FBXL7: variants seen among roughly 807,000 people sequenced by gnomAD.
FBXL7 encodes F-box/LRR-repeat protein 7.
A neutral mutation model predicts 38.3 loss-of-function variants in FBXL7; 12 were observed. That is an observed-to-expected ratio of 0.31 (90% CI 0.20 to 0.51). The LOEUF (loss-of-function observed/expected upper bound fraction) is 0.51, where lower values mean the gene tolerates loss of function less well. FBXL7 is among the 20% of genes least tolerant of loss of function. The probability of loss-of-function intolerance (pLI) is 0.98; values close to 1 mark genes in which losing one functional copy is unlikely to be tolerated. For synonymous variants in FBXL7, 297 were observed against 300.9 expected (o/e 0.99, Z 0.13); for missense variants, 567 against 676.4 (o/e 0.84, Z 1.79).
chr5:15,812,465 C>A (rs1232726559), intron 2 of FBXL7, among the ~76,000 whole-genome samples: 2 of 152,112 alleles, frequency 1.3e-5, no homozygotes, highest in African/African-American at 4.8e-5. Context: ...TGAAACGAAC[C>A]TGCGCATTCT....
intron 2 of FBXL7, among the ~76,000 whole-genome samples, chr5:15,803,185 A>G (rs1056529264): frequency 6.6e-6 from 1 of 152,154 alleles, no homozygotes; most frequent in Non-Finnish European, 1.5e-5. Context: ...TATTTGACCA[A>G]CATTTTGTTC....
intron 2 of FBXL7, among the ~76,000 whole-genome samples, chr5:15,691,692 G>A (rs966285866): frequency 1.3e-5 from 2 of 152,292 alleles, no homozygotes; most frequent in South Asian, 2.1e-4. Context: ...TTTGAGTCTA[G>A]CTGTTATGAT....
intron 2 of FBXL7, among the ~76,000 whole-genome samples, chr5:15,774,943 T>G (rs1342421333): frequency 1.3e-5 from 2 of 152,176 alleles, no homozygotes; most frequent in Non-Finnish European, 2.9e-5. Flanking sequence ...GAAAAGTAGA[T>G]AAGTCTGTGA....
intron 2 of FBXL7, among the ~76,000 whole-genome samples, chr5:15,889,999 C>G (rs1035687029): frequency 3.3e-5 from 5 of 152,138 alleles, no homozygotes; most frequent in Non-Finnish European, 7.4e-5. Context: ...ATAGTCCTGA[C>G]TTTAGAATGA....
intron 2 of FBXL7, among the ~76,000 whole-genome samples, chr5:15,764,232 G>T (rs1020064582): frequency 2.0e-5 from 3 of 152,160 alleles, no homozygotes; most frequent in African/African-American, 7.2e-5. Flanking sequence ...TCATATTTCT[G>T]GTTCCATAGA....
chr5:15,539,819 A>C (rs945794748), intron 1 of FBXL7, among the ~76,000 whole-genome samples: 2 of 150,926 alleles, frequency 1.3e-5, no homozygotes, highest in African/African-American at 4.9e-5. Flanking sequence ...TCTTCTAAAA[A>C]CTCTTTTTAA....
At chr5:15,709,379 CA>C (rs1378223157) in intron 2 of FBXL7, among the ~76,000 whole-genome samples, 1 of 151,730 alleles carries the variant, frequency 6.6e-6, no homozygotes, top group Non-Finnish European at 1.5e-5. Flanking sequence ...ACTAAAAATA[CA>C]AAAATTAGCC....
chr5:15,738,707 A>G (rs897060796), intron 2 of FBXL7, among the ~76,000 whole-genome samples: 1 of 152,244 alleles, frequency 6.6e-6, no homozygotes, highest in Non-Finnish European at 1.5e-5. Context: ...GGAGTCCCCT[A>G]CAGATCTGCT....
intron 2 of FBXL7, among the ~76,000 whole-genome samples, chr5:15,743,780 A>G (rs183128647): frequency 2.0e-5 from 3 of 152,356 alleles, no homozygotes; most frequent in African/African-American, 7.2e-5. Flanking sequence ...CTACCTGGAC[A>G]TCGGGTGTTT....
intron 2 of FBXL7, among the ~76,000 whole-genome samples, chr5:15,834,122 G>C (rs1738527054): frequency 6.6e-6 from 1 of 152,102 alleles, no homozygotes; most frequent in African/African-American, 2.4e-5. Flanking sequence ...CAGGAGTTAA[G>C]AAAAGTTATC....
chr5:15,608,270 AGCAGCCTCTCCCAAACCCT>A (rs1428536782), intron 1 of FBXL7, among the ~76,000 whole-genome samples: 5 of 152,134 alleles, frequency 3.3e-5, no homozygotes, highest in Non-Finnish European at 7.4e-5. Context: ...TTTTTCTCAT[AGCAGCCTCTCCCAAACCCT>A]GCAGGTTGGG....
intron 2 of FBXL7, among the ~76,000 whole-genome samples, chr5:15,617,411 C>T (rs1740489990): frequency 6.6e-6 from 1 of 150,662 alleles, no homozygotes; most frequent in Admixed American, 6.7e-5. Flanking sequence ...ATCTCGTTAA[C>T]TGATTCTAGA....
intron 2 of FBXL7, among the ~76,000 whole-genome samples, chr5:15,841,219 C>G (rs2126783759): frequency 6.6e-6 from 1 of 151,778 alleles, no homozygotes; most frequent in East Asian, 1.9e-4. Context: ...GTTGGAATTT[C>G]TAGTATAATG....
At chr5:15,758,545 A>G (rs181433058) in intron 2 of FBXL7, among the ~76,000 whole-genome samples, 13 of 152,302 alleles carry the variant, frequency 8.5e-5, no homozygotes, top group Admixed American at 7.2e-4. Flanking sequence ...AAAGGGCCGG[A>G]TAGATATATT....
chr5:15,694,850 G>T (rs1475162019), intron 2 of FBXL7, among the ~76,000 whole-genome samples: 1 of 152,148 alleles, frequency 6.6e-6, no homozygotes, highest in Admixed American at 6.6e-5. Flanking sequence ...AACCATAAAT[G>T]GTAAAACTAA....
At chr5:15,878,113 A>G (rs1740285930) in intron 2 of FBXL7, among the ~76,000 whole-genome samples, 1 of 152,200 alleles carries the variant, frequency 6.6e-6, no homozygotes, top group Admixed American at 6.5e-5. Context: ...TGAAAAGGCT[A>G]TGTAAATCCT....
At chr5:15,682,887 C>T (rs781414106) in intron 2 of FBXL7, among the ~76,000 whole-genome samples, 1 of 152,182 alleles carries the variant, frequency 6.6e-6, no homozygotes, top group East Asian at 1.9e-4. Context: ...CTGAGATTTT[C>T]TGTTTGTCGA....
chr5:15,572,698 A>G (rs577629641), intron 1 of FBXL7, among the ~76,000 whole-genome samples: 3 of 152,220 alleles, frequency 2.0e-5, no homozygotes, highest in South Asian at 2.1e-4. Context: ...CTGGTTTTCT[A>G]TTGTGGAACA....
rs865879617 is a variant in FBXL7, at chr5:15,586,549, G to T, written c.38-29434G>T. Among the ~76,000 whole-genome samples, 18 of 152,112 alleles carry T rather than the reference G, an allele frequency of 1.2e-4. No homozygotes were observed. The South Asian group carries it at 1.3e-3, about 11-fold the overall frequency. ...CACTTTACCAAGAAGCTATGATGGA[G>T]AAACCTCTTATTACTACCCCTGGTT... On this transcript the variant is annotated intron_variant, in intron 1 of 3. Transcript: ENST00000504595.
Sources: allele counts gnomAD v4.1 joint callset (sites outside exome capture counted in the v4.1 genomes callset), GRCh38; gene constraint gnomAD v4.1.1; transcripts MANE v1.5; gene names NCBI Gene and HGNC (gene_info 2026-07-23, HGNC 2026-07-21).